Variants in TAFA5 observed in about 807,000 individuals in gnomAD.
The protein encoded by TAFA5 is TAFA chemokine like family member 5, also known as chemokine-like protein TAFA-5.
Under a neutral mutation model 15.3 loss-of-function variants are expected in TAFA5, and 6 were observed. The observed-to-expected ratio is 0.39, with a 90% CI of 0.21 to 0.77. The LOEUF (loss-of-function observed/expected upper bound fraction) is 0.77, where lower values mean the gene tolerates loss of function less well. Among genes scored for constraint, TAFA5 ranks in the 30% least tolerant of loss-of-function variants. The pLI, the probability that TAFA5 is intolerant of heterozygous loss-of-function variation, is 0.41. For missense variants in TAFA5, 161 were observed against 193.1 expected (o/e 0.83, Z 0.98); for synonymous variants, 103 against 80.7 (o/e 1.28, Z -1.48).
chr22:48,635,638 T>A (rs146435580), intron 1 of TAFA5, among the ~76,000 whole-genome samples: 119 of 152,306 alleles, frequency 7.8e-4, no homozygotes, highest in Non-Finnish European at 1.5e-3. Context: ...ATTGCACCCA[T>A]GCTCAGTCCT....
At chr22:48,745,625 G>A (rs964380899) in intron 3 of TAFA5, among the ~76,000 whole-genome samples, 1 of 152,238 alleles carries the variant, frequency 6.6e-6, no homozygotes, top group Non-Finnish European at 1.5e-5. Context: ...GGAGTTACCT[G>A]AGGTCCTAGA....
intron 1 of TAFA5, among the ~76,000 whole-genome samples, chr22:48,570,432 C>A (rs1234666868): frequency 6.6e-6 from 1 of 152,170 alleles, no homozygotes; most frequent in Non-Finnish European, 1.5e-5. Context: ...AAATGAGAAG[C>A]AGGATTTCAC....
intron 1 of TAFA5, among the ~76,000 whole-genome samples, chr22:48,639,024 G>A (rs1218088791): frequency 1.3e-5 from 2 of 152,026 alleles, no homozygotes; most frequent in Non-Finnish European, 1.5e-5. Context: ...GCGGGACCCC[G>A]ACACTAAGCC....
intron 1 of TAFA5, among the ~76,000 whole-genome samples, chr22:48,584,697 A>C (rs530508627): frequency 6.8e-6 from 1 of 147,444 alleles, no homozygotes; most frequent in East Asian, 2.1e-4. Flanking sequence ...ACAAACACAC[A>C]CCACACAAAA....
At chr22:48,518,641 G>A (rs201893233) in intron 1 of TAFA5, among the ~76,000 whole-genome samples, 2 of 152,208 alleles carry the variant, frequency 1.3e-5, no homozygotes, top group East Asian at 3.9e-4. Context: ...TCAGAGCAGG[G>A]GTGCTCAGCA....
chr22:48,656,005 A>AT (rs71194371), intron 2 of TAFA5, among the ~76,000 whole-genome samples: 24,839 of 147,730 alleles, frequency 0.17, 2,539 homozygotes, highest in Non-Finnish European at 0.23. Flanking sequence ...CACCCGGCTA[A>AT]TTTTTTTTTT....
intron 3 of TAFA5, among the ~76,000 whole-genome samples, chr22:48,724,288 T>C (rs1191761291): frequency 6.6e-6 from 1 of 152,210 alleles, no homozygotes. Context: ...TGTGTAGTCA[T>C]GGCCATGTGG....
intron 3 of TAFA5, among the ~76,000 whole-genome samples, chr22:48,730,962 C>T (rs563755768): frequency 6.6e-6 from 1 of 152,268 alleles, no homozygotes; most frequent in South Asian, 2.1e-4. Flanking sequence ...GTGAGGAAGG[C>T]GTGTCGAAAG....
At chr22:48,682,058 C>T (rs1332801150) in intron 2 of TAFA5, among the ~76,000 whole-genome samples, 1 of 56,256 alleles carries the variant, frequency 1.8e-5, no homozygotes, top group Admixed American at 1.6e-4. Flanking sequence ...AGCTTCCCAT[C>T]GATCCCATTC....
intron 1 of TAFA5, among the ~76,000 whole-genome samples, chr22:48,630,890 C>T (rs1569055385): frequency 6.6e-6 from 1 of 152,156 alleles, no homozygotes; most frequent in Non-Finnish European, 1.5e-5. Context: ...CCCAGATACC[C>T]AGTGTCCCAG....
intron 2 of TAFA5, among the ~76,000 whole-genome samples, chr22:48,683,250 C>G (rs1172743991): frequency 1.3e-5 from 2 of 152,194 alleles, no homozygotes; most frequent in Non-Finnish European, 2.9e-5. Context: ...GGATGTTCCT[C>G]CCACGTAATA....
chr22:48,596,689 G>T (rs1924776172), intron 1 of TAFA5, among the ~76,000 whole-genome samples: 1 of 152,128 alleles, frequency 6.6e-6, no homozygotes, highest in African/African-American at 2.4e-5. Context: ...CTCACTCTTG[G>T]CATGGAGCAT....
chr22:48,606,400 A>G (rs568401489), intron 1 of TAFA5, among the ~76,000 whole-genome samples: 1 of 152,320 alleles, frequency 6.6e-6, no homozygotes, highest in African/African-American at 2.4e-5. Context: ...AGAACTGAAA[A>G]AAAGTAGGTT....
intron 1 of TAFA5, among the ~76,000 whole-genome samples, chr22:48,627,047 C>A (rs1926047531): frequency 1.3e-5 from 2 of 152,208 alleles, no homozygotes; most frequent in South Asian, 4.1e-4. Flanking sequence ...GGCAGCAGCC[C>A]CTCCTGGTGA....
At chr22:48,689,009 AAAGAGAG>A (rs1569080041) in intron 2 of TAFA5, among the ~76,000 whole-genome samples, 2 of 115,992 alleles carry the variant, frequency 1.7e-5, no homozygotes, top group Non-Finnish European at 3.3e-5. Context: ...AAAAAAAAAA[AAAGAGAG>A]AGAAAACCTT....
intron 1 of TAFA5, among the ~76,000 whole-genome samples, chr22:48,632,129 G>A (rs993738809): frequency 2.0e-5 from 3 of 152,180 alleles, no homozygotes; most frequent in East Asian, 1.9e-4. Context: ...AGTTGGGAGC[G>A]GCTGGGGTGC....
At chr22:48,535,539 G>T (rs185153690) in intron 1 of TAFA5, among the ~76,000 whole-genome samples, 1 of 151,814 alleles carries the variant, frequency 6.6e-6, no homozygotes, top group Non-Finnish European at 1.5e-5. Flanking sequence ...ATGAGCACTC[G>T]TGCCTTTGTG....
intron 1 of TAFA5, among the ~76,000 whole-genome samples, chr22:48,508,699 T>C (rs1201704740): frequency 6.6e-6 from 1 of 152,208 alleles, no homozygotes; most frequent in Non-Finnish European, 1.5e-5. Flanking sequence ...CGTAAAATAA[T>C]GGTACATATT....
chr22:48,629,361 C>T (rs1160935138), intron 1 of TAFA5, among the ~76,000 whole-genome samples: 2 of 152,194 alleles, frequency 1.3e-5, no homozygotes, highest in African/African-American at 4.8e-5. Flanking sequence ...CTCGGCACCC[C>T]GGGGCTTTGG....
Sources: gnomAD v4.1 joint callset for allele counts (sites outside exome capture counted in the v4.1 genomes callset) on GRCh38, gnomAD v4.1.1 for gene constraint, MANE v1.5 for transcripts, NCBI Gene and HGNC (gene_info 2026-07-23, HGNC 2026-07-21) for gene names.